HTR4: variants seen among roughly 807,000 people sequenced by gnomAD.
HTR4 encodes 5-hydroxytryptamine receptor 4.
HTR4 carries 16 observed loss-of-function variants against 36.8 expected under a neutral mutation model. The ratio of observed to expected loss-of-function variants is 0.43; its 90% CI spans 0.29 to 0.66. The LOEUF (loss-of-function observed/expected upper bound fraction) is 0.66, where lower values mean the gene tolerates loss of function less well. Among genes scored for constraint, HTR4 ranks in the 30% least tolerant of loss-of-function variants. The probability of loss-of-function intolerance (pLI) is 0.13; values close to 1 mark genes in which losing one functional copy is unlikely to be tolerated. For synonymous variants in HTR4, 189 were observed against 185.1 expected (o/e 1.02, Z -0.17); for missense variants, 438 against 490.9 (o/e 0.89, Z 1.02).
intron 2 of HTR4, among the ~76,000 whole-genome samples, chr5:148,550,763 T>C (rs1415857263): frequency 6.6e-6 from 1 of 152,108 alleles, no homozygotes; most frequent in Admixed American, 6.5e-5. Context: ...AACCACAGGG[T>C]GGAACCTAAG....
intron 4 of HTR4, among the ~76,000 whole-genome samples, chr5:148,530,325 G>A (rs11952357): frequency 0.15 from 22,821 of 152,068 alleles, 3,044 homozygotes; most frequent in African/African-American, 0.35. Context: ...AGAAAAAATG[G>A]TTTTGTGAGC....
At chr5:148,628,855 C>T (rs1456395690) in intron 2 of HTR4, 1 of 152,104 alleles carries the variant, frequency 6.6e-6, no homozygotes, top group Non-Finnish European at 1.5e-5. Flanking sequence ...TCATCACAGC[C>T]TGTGCTTGCA....
intron 1 of HTR4, among the ~76,000 whole-genome samples, chr5:148,648,055 G>A (rs2127318299): frequency 6.6e-6 from 1 of 152,290 alleles, no homozygotes; most frequent in Middle Eastern, 3.4e-3. Context: ...ACAGAAATAT[G>A]ACAAAGCAAC....
chr5:148,460,353 C>T (rs188996628), intron 5 of HTR4, among the ~76,000 whole-genome samples: 205 of 152,088 alleles, frequency 1.3e-3, no homozygotes, highest in African/African-American at 4.6e-3. Context: ...ATTTCATTTT[C>T]CAACTAAAGA....
At chr5:148,589,811 A>G (rs538320563) in intron 2 of HTR4, among the ~76,000 whole-genome samples, 1 of 152,168 alleles carries the variant, frequency 6.6e-6, no homozygotes, top group Non-Finnish European at 1.5e-5. Context: ...AAATCAATCT[A>G]ATTAATATGC....
chr5:148,521,583 T>C (rs1384902690), intron 5 of HTR4, among the ~76,000 whole-genome samples: 1 of 151,922 alleles, frequency 6.6e-6, no homozygotes, highest in Non-Finnish European at 1.5e-5. Context: ...GTAGATCTTG[T>C]TACTGGTAAA....
intron 2 of HTR4, among the ~76,000 whole-genome samples, chr5:148,565,145 TA>T (rs1760383313): frequency 1.3e-5 from 2 of 151,554 alleles, no homozygotes; most frequent in Non-Finnish European, 2.9e-5. Context: ...AATCTAAATC[TA>T]AAACACTTAC....
downstream of HTR4, among the ~76,000 whole-genome samples, chr5:148,481,141 G>A: frequency 6.6e-6 from 1 of 152,186 alleles, no homozygotes; most frequent in East Asian, 1.9e-4. Context: ...CTCATCATCA[G>A]GTCCAGAGCC....
At chr5:148,455,388 G>A (rs189684901) in intron 5 of HTR4, among the ~76,000 whole-genome samples, 21 of 152,310 alleles carry the variant, frequency 1.4e-4, no homozygotes, top group East Asian at 9.6e-4. Context: ...CTGTGACCAC[G>A]TAAAAAGATG....
At chr5:148,546,029 A>G (rs1207639660) in intron 4 of HTR4, among the ~76,000 whole-genome samples, 2 of 152,204 alleles carry the variant, frequency 1.3e-5, no homozygotes, top group African/African-American at 2.4e-5. Context: ...ATAGACTAGG[A>G]TCTCTTTAGG....
At chr5:148,592,452 T>C (rs1028357587) in intron 2 of HTR4, among the ~76,000 whole-genome samples, 4 of 151,960 alleles carry the variant, frequency 2.6e-5, no homozygotes, top group Non-Finnish European at 5.9e-5. Flanking sequence ...TTATATCCTC[T>C]CAGCTCTCTA....
At chr5:148,547,626 C>T (rs972876412) in intron 4 of HTR4, among the ~76,000 whole-genome samples, 5 of 151,724 alleles carry the variant, frequency 3.3e-5, no homozygotes, top group African/African-American at 1.2e-4. Flanking sequence ...AGCACGATGG[C>T]TCACATCTGT....
downstream of HTR4, among the ~76,000 whole-genome samples, chr5:148,478,520 A>C (rs544046619): frequency 2.0e-4 from 31 of 152,318 alleles, no homozygotes; most frequent in African/African-American, 6.7e-4. Flanking sequence ...CCTGGAAAAA[A>C]TAGTTCATGG....
intron 2 of HTR4, among the ~76,000 whole-genome samples, chr5:148,626,003 T>C (rs934123162): frequency 6.6e-5 from 10 of 152,108 alleles, no homozygotes; most frequent in African/African-American, 2.4e-4. Context: ...CTTACTAGTG[T>C]AGAAAGTCAC....
rs1281429796 is a variant in HTR4 at position 148,503,160 on chromosome 5, C to T, written c.1076+6296G>A. Among the ~76,000 whole-genome samples the T allele has an allele frequency of 5.9e-5, 9 of 152,148 alleles. No homozygotes were observed. The South Asian group carries it at 8.3e-4, about 14-fold the overall frequency. On this transcript the variant is annotated intron_variant, in intron 6 of 6. Transcript: ENST00000377888. ...CAGAGAATGCCACAAAGATACTCCT[C>T]GAGAAGAGCAACTCCAAGACACATA...
chr5:148,489,358 A>G (rs1756306333), intron 6 of HTR4, among the ~76,000 whole-genome samples: 2 of 152,196 alleles, frequency 1.3e-5, no homozygotes, highest in East Asian at 3.8e-4. Flanking sequence ...GATTGAAACA[A>G]CATCACTAAA....
chr5:148,542,692 C>A (rs888604180), intron 4 of HTR4, among the ~76,000 whole-genome samples: 2 of 152,070 alleles, frequency 1.3e-5, no homozygotes, highest in African/African-American at 4.8e-5. Flanking sequence ...CAAAGTACAG[C>A]ATGTTCAGAG....
At position 148,489,645 on chromosome 5, in the gene HTR4, A is replaced by G. The variant is rs1012739988; in HGVS notation, c.1077-6352T>C. On this transcript the variant is annotated intron_variant, in intron 6 of 6. Coordinates refer to ENST00000377888, the MANE Select transcript of HTR4 (RefSeq NM_000870.7). ...TGAGACAGCATTCAAGGCAGCAGAG[A>G]TGATCCAGAGACAATATAATTCGCT... 7.9e-5 allele frequency among the ~76,000 whole-genome samples: 12 copies of G among 152,194 alleles called. 1 individual carries two copies. In the East Asian group the frequency reaches 2.1e-3, roughly 27 times the overall value.
At chr5:148,495,607 G>C (rs995917051) in intron 6 of HTR4, among the ~76,000 whole-genome samples, 6 of 152,136 alleles carry the variant, frequency 3.9e-5, no homozygotes, top group African/African-American at 1.2e-4. Context: ...CCATTAGCAA[G>C]TCCCCAAAGA....
Sources: gnomAD v4.1 joint callset for allele counts (sites outside exome capture counted in the v4.1 genomes callset) on GRCh38, gnomAD v4.1.1 for gene constraint, MANE v1.5 for transcripts, NCBI Gene and HGNC (gene_info 2026-07-23, HGNC 2026-07-21) for gene names.